The following TNRC18 variants were observed in gnomAD, a reference collection of about 807,000 sequenced individuals.
TNRC18 encodes trinucleotide repeat-containing gene 18 protein.
A neutral mutation model predicts 226.7 loss-of-function variants in TNRC18; 69 were observed. That is an observed-to-expected ratio of 0.30 (90% CI 0.25 to 0.37). The LOEUF (loss-of-function observed/expected upper bound fraction) is 0.37. TNRC18 is among the 10% of genes least tolerant of loss of function. The pLI is 1.00. For synonymous variants in TNRC18, 2,449 were observed against 1,927.6 expected (o/e 1.27, Z -7.09); for missense variants, 4,754 against 4,256.6 (o/e 1.12, Z -3.25).
At chr7:5,333,216 G>A (rs1187617372) in intron 18 of TNRC18, among the ~76,000 whole-genome samples, 167 bp from the exon 19 acceptor site, 1 of 152,220 alleles carries the variant, frequency 6.6e-6, no homozygotes, top group Non-Finnish European at 1.5e-5. Context: ...AGACTCATCG[G>A]GACCACGCCT....
At chr7:5,407,156 C>G (rs560261067) in intron 2 of TNRC18, 1 of 152,356 alleles carries the variant, frequency 6.6e-6, no homozygotes, top group African/African-American at 2.4e-5. Context: ...TCACCCTGCA[C>G]GTCCTTGGCA....
chr7:5,348,442 G>C (rs967721785), intron 17 of TNRC18, among the ~76,000 whole-genome samples: 12 of 152,144 alleles, frequency 7.9e-5, no homozygotes, highest in Admixed American at 5.9e-4. Flanking sequence ...CGGGGAAGAC[G>C]GACAGCCAAC....
intron 18 of TNRC18, among the ~76,000 whole-genome samples, chr7:5,339,106 T>C (rs944113875): frequency 6.6e-6 from 1 of 151,984 alleles, no homozygotes; most frequent in Non-Finnish European, 1.5e-5. Context: ...GAGACCAGCC[T>C]GGGCAACAGA....
rs1166503066 is a variant in TNRC18 at position 5,388,365 on chromosome 7, C to A, written c.1459G>T (p.Ala487Ser). 3 of 1,563,624 alleles carry A rather than the reference C, an allele frequency of 1.9e-6. No individual in the cohort carries two copies. In the East Asian group the frequency reaches 7.1e-5, roughly 37 times the overall value. Residue 487 changes from alanine (A) to serine (S), a missense_variant, in exon 5 of 30, where the codon GCC becomes TCC. Transcript: ENST00000430969. ...RAPRGPAGPA[A>S]QQAAKLFGLE... ...CCGAAGAGCTTGGCGGCCTGTTGGGCTGCAGGACCGGCTGGGCCGCGGGGC... is the reference window on the plus strand; with the variant it reads ...CCGAAGAGCTTGGCGGCCTGTTGGGATGCAGGACCGGCTGGGCCGCGGGGC...
rs757431826 is a variant in TNRC18 at position 5,357,205 on chromosome 7, G to T, written c.4905C>A (p.Ser1635=). ...QLASKLDKAL[S]LTKQDKLKSP... ...ACTTCAACTTGTCCTGCTTGGTGAG[G>T]GAGAGGGCCTTGTCGAGCTTGCTTG... Residue 1635 remains serine (S), a synonymous_variant, in exon 16 of 30, where the codon TCC becomes TCA. Coordinates refer to ENST00000430969, the MANE Select transcript of TNRC18 (RefSeq NM_001080495.3). The T allele has an allele frequency of 1.9e-6, 3 of 1,611,940 alleles. No homozygotes were observed. The highest frequency in any genetic ancestry group is 3.4e-5 in the Admixed American group (2 of 59,654).
chr7:5,352,107 T>C lies in TNRC18; in HGVS notation c.5195-13A>G. 1 of 1,585,176 alleles carries C rather than the reference T, an allele frequency of 6.3e-7. No individual in the cohort carries two copies. Among genetic ancestry groups the C allele is most frequent in the Non-Finnish European group, 8.6e-7 (1 of 1,164,618 alleles). Reference sequence around the variant, plus strand: ...TCTGAGTCCGTATCTGCAGTCAAAGTAGTTTTTAATAGAGATAAGTCACAG... The same window carrying C: ...TCTGAGTCCGTATCTGCAGTCAAAGCAGTTTTTAATAGAGATAAGTCACAG... On this transcript the variant is annotated splice_polypyrimidine_tract_variant and intron_variant, in intron 16 of 29. Coordinates refer to ENST00000430969, the MANE Select transcript of TNRC18 (RefSeq NM_001080495.3).
In TNRC18 at chr7:5,388,117, G is replaced by A. The variant is rs779485869; in HGVS notation, c.1707C>T (p.Val569=). ...CGTGGGCCGCAGAGTGCATGTCAGC[G>A]ACCGGCCGGCCGCAGGTGGCCGCCG... ...PRSAATCGRP[V]ADMHSAAHGS... is the part of the protein sequence containing the mutation. Residue 569 remains valine (V), a synonymous_variant, in exon 5 of 30, where the codon GTC becomes GTT. Transcript: ENST00000430969. 6.4e-6 allele frequency: 10 copies of A among 1,553,626 alleles called. No individual in the cohort carries two copies. Among genetic ancestry groups the A allele is most frequent in the Admixed American group, 3.9e-5 (2 of 51,358 alleles).
At chr7:5,316,119 C>T (rs377404973) in intron 24 of TNRC18, 47 bp from the exon 25 acceptor site, 57 of 1,469,284 alleles carry the variant, frequency 3.9e-5, no homozygotes, top group Non-Finnish European at 5.4e-5. Context: ...ACCTCCAGCT[C>T]CCTAGTGACG....
chr7:5,381,107 T>A (rs1779369353), intron 5 of TNRC18, among the ~76,000 whole-genome samples: 1 of 152,306 alleles, frequency 6.6e-6, no homozygotes, highest in East Asian at 1.9e-4. Flanking sequence ...GCCAGTCTGC[T>A]GGCCAGCCCC....
intron 18 of TNRC18, among the ~76,000 whole-genome samples, chr7:5,342,685 A>C (rs148048415): frequency 6.6e-6 from 1 of 152,230 alleles, no homozygotes; most frequent in Non-Finnish European, 1.5e-5. Flanking sequence ...AGATGCTGTG[A>C]ACACTGTTGA....
intron 19 of TNRC18, among the ~76,000 whole-genome samples, chr7:5,327,742 T>C (rs1022151055): frequency 2.0e-5 from 3 of 152,012 alleles, no homozygotes. Context: ...CCCTACTTTT[T>C]TGTAAAAAAA....
At chr7:5,385,555 G>T (rs559316800) in intron 5 of TNRC18, among the ~76,000 whole-genome samples, 1 of 151,922 alleles carries the variant, frequency 6.6e-6, no homozygotes, top group East Asian at 1.9e-4. Flanking sequence ...ATGGTGGCGG[G>T]TGCCTGTGAC....
chr7:5,331,557 G>A (rs944736315), intron 19 of TNRC18, among the ~76,000 whole-genome samples: 8 of 152,216 alleles, frequency 5.3e-5, no homozygotes, highest in Admixed American at 3.9e-4. Flanking sequence ...TTGCAGCAAC[G>A]GAAACCACAG....
chr7:5,333,550 C>T (rs71529393), intron 18 of TNRC18, among the ~76,000 whole-genome samples: 1 of 152,188 alleles, frequency 6.6e-6, no homozygotes, highest in South Asian at 2.1e-4. Flanking sequence ...GCCACCCCAG[C>T]AGCCCTCCTC....
intron 18 of TNRC18, among the ~76,000 whole-genome samples, chr7:5,341,311 C>T (rs545105345): frequency 7.0e-4 from 104 of 149,164 alleles, no homozygotes; most frequent in African/African-American, 2.4e-3. Context: ...CTCACCTACT[C>T]GGGAGGCTGA....
In TNRC18 at chr7:5,307,959, G is replaced by T. The variant is rs999982958; in HGVS notation, c.*147C>A. On this transcript the variant is annotated 3_prime_UTR_variant, in exon 30 of 30. Coordinates refer to ENST00000430969, the MANE Select transcript of TNRC18 (RefSeq NM_001080495.3). ...ACGTGCATGCACACACACTCACCCGGGCATCCACGTGCACACCTGGCCCCA... is the reference window on the plus strand; with the variant it reads ...ACGTGCATGCACACACACTCACCCGTGCATCCACGTGCACACCTGGCCCCA... The T allele has an allele frequency of 1.2e-5, 8 of 694,986 alleles. No homozygotes were observed. Among genetic ancestry groups the T allele is most frequent in the African/African-American group, 3.6e-5 (2 of 55,902 alleles). The allele number at this position is 694,986 out of a possible 1,614,324, so 43.1% of individuals were successfully genotyped here. A position where few individuals can be genotyped will look rare whatever the true frequency, so the allele number is the denominator to read the frequency against.
At chr7:5,362,547 G>C (rs1289450336) in intron 12 of TNRC18, 103 bp downstream of exon 12, 9 of 1,158,434 alleles carry the variant, frequency 7.8e-6, no homozygotes. Context: ...GGCCTCTCTG[G>C]CGCCAAAGCC....
At chr7:5,392,123 C>T (rs1467618829) in intron 3 of TNRC18, among the ~76,000 whole-genome samples, 2 of 152,106 alleles carry the variant, frequency 1.3e-5, no homozygotes, top group African/African-American at 4.8e-5. Context: ...TGACAACACC[C>T]ACAAACAAAA....
At chr7:5,396,253 C>G (rs575664110) in intron 2 of TNRC18, among the ~76,000 whole-genome samples, 193 of 151,330 alleles carry the variant, frequency 1.3e-3, no homozygotes, top group Non-Finnish European at 2.5e-3. Flanking sequence ...GAGGCTGAGG[C>G]AGGAGAATCA....
Sources: allele counts gnomAD v4.1 joint callset (sites outside exome capture counted in the v4.1 genomes callset), GRCh38; gene constraint gnomAD v4.1.1; transcripts MANE v1.5; gene names NCBI Gene and HGNC (gene_info 2026-07-23, HGNC 2026-07-21).